NAALAD2: variants seen among roughly 807,000 people sequenced by gnomAD.
NAALAD2 encodes the protein N-acetylated-alpha-linked acidic dipeptidase 2.
A neutral mutation model predicts 95.6 loss-of-function variants in NAALAD2; 89 were observed. That is an observed-to-expected ratio of 0.93 (90% CI 0.78 to 1.11). The LOEUF (loss-of-function observed/expected upper bound fraction) is 1.11, where lower values mean the gene tolerates loss of function less well. Among genes scored for constraint, NAALAD2 ranks in the 50% least tolerant of loss-of-function variants. The pLI, the probability that NAALAD2 is intolerant of heterozygous loss-of-function variation, is 0.00. For missense variants in NAALAD2, 894 were observed against 872.4 expected (o/e 1.02, Z -0.31); for synonymous variants, 264 against 294.4 (o/e 0.90, Z 1.06).
In NAALAD2 at chr11:90,189,769, C is replaced by CAAA. The variant is rs35142682; in HGVS notation, c.2034-1779_2034-1777dup. On this transcript the variant is annotated intron_variant, in intron 18 of 18. Coordinates refer to ENST00000534061, the MANE Select transcript of NAALAD2 (RefSeq NM_005467.4). ...GGGCCGACAGAACGAGACTCTATCT[C>CAAA]AAAAAAAAAAAAGAAATTTTGCATT... Among the ~76,000 whole-genome samples, 108 of 140,736 alleles carry CAAA rather than the reference C, an allele frequency of 7.7e-4. 2 individuals carry two copies. Among genetic ancestry groups the CAAA allele is most frequent in the South Asian group, 8.9e-4 (4 of 4,498 alleles). 92.3% of individuals were successfully genotyped at this position (140,736 alleles called of 152,430 possible).
upstream of NAALAD2, among the ~76,000 whole-genome samples, chr11:90,133,828 T>TC: frequency 9.3e-6 from 1 of 107,140 alleles, no homozygotes; most frequent in Middle Eastern, 4.2e-3. Context: ...GGAAAGAAAC[T>TC]CTTTTTTTTT....
At chr11:90,189,844 G>GA (rs374033486) in intron 18 of NAALAD2, among the ~76,000 whole-genome samples, 151 of 152,212 alleles carry the variant, frequency 9.9e-4, no homozygotes, top group African/African-American at 3.5e-3. Context: ...GAAGGTTGAG[G>GA]AAAAAAGACT....
intron 18 of NAALAD2, among the ~76,000 whole-genome samples, chr11:90,183,620 G>A (rs1432003084): frequency 2.0e-5 from 3 of 152,098 alleles, no homozygotes; most frequent in South Asian, 2.1e-4. Context: ...TACACATTAA[G>A]TAGAAACCAT....
chr11:90,155,725 AC>A (rs1422588790), intron 6 of NAALAD2, among the ~76,000 whole-genome samples: 12 of 51,770 alleles, frequency 2.3e-4, no homozygotes, highest in Non-Finnish European at 3.8e-4. Flanking sequence ...TGTATGTAAT[AC>A]ATACATACAT....
intron 12 of NAALAD2, 50 bp from the exon 13 acceptor site, chr11:90,170,019 A>G (rs776406509): frequency 2.4e-5 from 26 of 1,081,940 alleles, no homozygotes; most frequent in Non-Finnish European, 3.7e-5. Context: ...AACAAATGGA[A>G]TTTCATTTAG....
At chr11:90,178,685 A>G (rs932630258) in intron 16 of NAALAD2, among the ~76,000 whole-genome samples, 1 of 150,972 alleles carries the variant, frequency 6.6e-6, no homozygotes, top group East Asian at 2.0e-4. Flanking sequence ...AAAAAAAAAA[A>G]TTTACTGTTA....
Position 90,152,388 on chromosome 11 carries a change from A to C in NAALAD2, c.700A>C (p.Lys234Gln). The C allele has an allele frequency of 6.2e-7, 1 of 1,613,942 alleles. No individual in the cohort carries two copies. The highest frequency in any genetic ancestry group is 8.5e-7 in the Non-Finnish European group (1 of 1,179,886). The change falls in exon 6 of 19, where the codon AAA becomes CAA. Residue 234 changes from lysine to glutamine, a missense_variant. Coordinates refer to ENST00000534061, the MANE Select transcript of NAALAD2 (RefSeq NM_005467.4). ...YFAPEVQPYPKGWNLPGTAAQ... is the reference protein window; with the variant it reads ...YFAPEVQPYPQGWNLPGTAAQ... ...TGCTCCTGAGGTACAGCCATATCCC[A>C]AAGGATGGAATCTTCCTGGAACTGC...
At chr11:90,134,628 A>G (rs190728321), upstream of NAALAD2, 24 of 762,378 alleles carry the variant, frequency 3.1e-5, no homozygotes, top group East Asian at 5.8e-4. Flanking sequence ...GGTAGGGCGG[A>G]GGCGTGGCCT....
intron 14 of NAALAD2, 50 bp from the exon 15 acceptor site, chr11:90,175,922 T>A: frequency 1.3e-6 from 1 of 749,514 alleles, no homozygotes; most frequent in Non-Finnish European, 1.9e-6. Context: ...TATCATTTAC[T>A]TGTTTATGTG....
rs1053934454 is a variant in NAALAD2, at chr11:90,148,923, A to G, written c.382-83A>G. The G allele has an allele frequency of 1.9e-5, 14 of 744,616 alleles. No individual in the cohort carries two copies. The African/African-American group carries it at 2.0e-4, about 10-fold the overall frequency. 46.1% of individuals were successfully genotyped at this position (744,616 alleles called of 1,614,324 possible). The stretch of plus-strand genomic sequence containing the variant: ...CCTTGTTCCAGGATGCTTAATCTGA[A>G]GTATATACTTGGAGGCAAAATGAAT... On this transcript the variant is annotated intron_variant, in intron 3 of 18. Transcript: ENST00000534061.
At chr11:90,154,598 A>AATAT (rs1465354694) in intron 6 of NAALAD2, among the ~76,000 whole-genome samples, 1 of 151,506 alleles carries the variant, frequency 6.6e-6, no homozygotes, top group Non-Finnish European at 1.5e-5. Context: ...AGTTTCTTGT[A>AATAT]ATATCTTTGT....
chr11:90,152,226 T>C, intron 5 of NAALAD2, 72 bp from the exon 6 acceptor site: 1 of 1,345,718 alleles, frequency 7.4e-7, no homozygotes, highest in Non-Finnish European at 1.0e-6. Flanking sequence ...ATTATTAAAT[T>C]AATGTCTTTC....
Position 90,152,485 on chromosome 11 carries a change from G to C in NAALAD2, c.796+1G>C, listed in dbSNP as rs1182270865. ...CTCACTCCAGGCTATCCAGCAAAAG[G>C]TAAGGGATGAGCCTATCAGTCCACC... On this transcript the variant is annotated splice_donor_variant, in intron 6 of 18. Coordinates refer to ENST00000534061, the MANE Select transcript of NAALAD2 (RefSeq NM_005467.4). LOFTEE classifies it high-confidence loss of function. 33 of 1,605,334 alleles carry C rather than the reference G, an allele frequency of 2.1e-5. No homozygotes were observed. The highest frequency in any genetic ancestry group is 2.6e-5 in the Non-Finnish European group (31 of 1,173,316).
In NAALAD2 at chr11:90,140,918, T is replaced by A. The variant is rs370066548; in HGVS notation, c.194+5248T>A. ...TGTAAGGTTTAGGTTGAGTTTATTC[T>A]TTTGCTTGAGAATGGCCAACTGCTC... On this transcript the variant is annotated intron_variant, in intron 2 of 18. Transcript: ENST00000534061. Among the ~76,000 whole-genome samples, 6 of 152,146 alleles carry A rather than the reference T, an allele frequency of 3.9e-5. No homozygotes were observed. In the South Asian group the frequency reaches 1.2e-3, roughly 31 times the overall value.
chr11:90,191,443 C>CT (rs1857322518), intron 18 of NAALAD2, 115 bp from the exon 19 acceptor site: 2 of 637,308 alleles, frequency 3.1e-6, no homozygotes, highest in East Asian at 6.3e-5. Flanking sequence ...CAACTGTCTT[C>CT]TTATTATAGG....
Position 90,152,478 on chromosome 11 carries a change from G to A in NAALAD2, c.790G>A (p.Ala264Thr). 1.9e-6 allele frequency: 3 copies of A among 1,608,334 alleles called. No individual in the cohort carries two copies. The highest frequency in any genetic ancestry group is 2.6e-6 in the Non-Finnish European group (3 of 1,175,806). The change falls in exon 6 of 19, where the codon GCA becomes ACA. Residue 264 changes from alanine (A) to threonine (T), a missense_variant. Ala to Thr is a moderately conservative substitution (Grantham distance 58). Transcript: ENST00000534061. ...AGDPLTPGYP[A>T]KEYTFRLDVE... is the part of the protein sequence containing the mutation. Reference sequence around the variant, plus strand: ...TGACCCACTCACTCCAGGCTATCCAGCAAAAGGTAAGGGATGAGCCTATCA... The same window carrying A: ...TGACCCACTCACTCCAGGCTATCCAACAAAAGGTAAGGGATGAGCCTATCA...
intron 6 of NAALAD2, among the ~76,000 whole-genome samples, chr11:90,156,740 C>T (rs566214530): frequency 3.9e-5 from 6 of 152,106 alleles, no homozygotes; most frequent in Non-Finnish European, 7.4e-5. Flanking sequence ...GCATGTGACA[C>T]CATGCCCAGC....
At chr11:90,163,156 G>T in intron 9 of NAALAD2, 122 bp downstream of exon 9, 1 of 1,211,082 alleles carries the variant, frequency 8.3e-7, no homozygotes, top group Non-Finnish European at 1.1e-6. Flanking sequence ...TAAATTTTGA[G>T]GAAAACTGTA....
intron 6 of NAALAD2, among the ~76,000 whole-genome samples, chr11:90,153,238 G>C (rs1429133893): frequency 6.6e-6 from 1 of 152,138 alleles, no homozygotes; most frequent in Non-Finnish European, 1.5e-5. Flanking sequence ...ACAGATAAAG[G>C]TGTAATGAAC....
Sources: allele counts gnomAD v4.1 joint callset (sites outside exome capture counted in the v4.1 genomes callset), GRCh38; gene constraint gnomAD v4.1.1; transcripts MANE v1.5; gene names NCBI Gene and HGNC (gene_info 2026-07-23, HGNC 2026-07-21).